The following LINGO2 variants were observed in gnomAD, a reference collection of about 807,000 sequenced individuals.
LINGO2 encodes the protein leucine-rich repeat and immunoglobulin-like domain-containing nogo receptor-interacting protein 2.
A neutral mutation model predicts 30.6 loss-of-function variants in LINGO2; 14 were observed. That is an observed-to-expected ratio of 0.46 (90% CI 0.30 to 0.72). The LOEUF (loss-of-function observed/expected upper bound fraction) is 0.72, where lower values mean the gene tolerates loss of function less well. Among genes scored for constraint, LINGO2 ranks in the 30% least tolerant of loss-of-function variants. LINGO2 has a pLI of 0.07. For synonymous variants in LINGO2, 317 were observed against 288.5 expected (o/e 1.10, Z -1.00); for missense variants, 729 against 751.7 (o/e 0.97, Z 0.35).
the LINGO2 span, among the ~76,000 whole-genome samples, chr9:28,765,565 C>T: frequency 2.0e-5 from 3 of 151,992 alleles, no homozygotes; most frequent in African/African-American, 7.3e-5. Flanking sequence ...TTCTTTCTTG[C>T]AGGAATGGAT....
intron 2 of LINGO2, among the ~76,000 whole-genome samples, chr9:28,393,189 A>C (rs998859644): frequency 2.0e-5 from 3 of 152,224 alleles, no homozygotes; most frequent in Non-Finnish European, 4.4e-5. Flanking sequence ...TGTACCTACT[A>C]TGTGGGATGT....
chr9:28,990,294 G>T, the LINGO2 span, among the ~76,000 whole-genome samples: 1 of 152,218 alleles, frequency 6.6e-6, no homozygotes, highest in Non-Finnish European at 1.5e-5. Flanking sequence ...CAGCAGCAAG[G>T]CTGGGGGAGG....
rs543097526 is a variant in LINGO2, at chr9:28,129,667, A to G, written c.-86-117262T>C. The G allele has an allele frequency of 6.6e-6, 1 of 152,342 alleles. No homozygotes were observed. Among genetic ancestry groups the G allele is most frequent in the East Asian group, 1.9e-4 (1 of 5,184 alleles). 9.4% of individuals were successfully genotyped at this position (152,342 alleles called of 1,614,324 possible). A position where few individuals can be genotyped will look rare whatever the true frequency, so the allele number is the denominator to read the frequency against. The stretch of plus-strand genomic sequence containing the variant: ...TAAGTGGGGGAGAAAATCTTTGAAA[A>G]ATCCAAATTAGTTTTTATTAGTGGT... On this transcript the variant is annotated intron_variant, in intron 4 of 5. Coordinates refer to ENST00000379992, the Ensembl canonical transcript of LINGO2. The surrounding 1 kb of genome is among the most constrained non-coding windows in gnomAD (Gnocchi z 4.0).
the LINGO2 span, among the ~76,000 whole-genome samples, chr9:28,971,109 C>T: frequency 5.9e-5 from 9 of 152,068 alleles, no homozygotes; most frequent in East Asian, 5.8e-4. Flanking sequence ...AGTTCCTGGA[C>T]GATATTTCCA....
chr9:28,628,975 A>T (rs1345794675), intron 1 of LINGO2, among the ~76,000 whole-genome samples: 1 of 152,104 alleles, frequency 6.6e-6, no homozygotes, highest in Admixed American at 6.6e-5. Context: ...GCATAGGTCC[A>T]TTATCTTATT....
At chr9:29,112,440 C>T in the LINGO2 span, among the ~76,000 whole-genome samples, 1 of 152,116 alleles carries the variant, frequency 6.6e-6, no homozygotes, top group South Asian at 2.1e-4. Flanking sequence ...CTTCCCAATC[C>T]ATGAATAATA....
At chr9:28,408,555 G>A (rs1822606955) in intron 2 of LINGO2, among the ~76,000 whole-genome samples, 1 of 150,664 alleles carries the variant, frequency 6.6e-6, no homozygotes, top group Non-Finnish European at 1.5e-5. Flanking sequence ...TCACTCATAG[G>A]TGGGAATTGA....
At chr9:28,109,770 A>AT (rs1826715901) in intron 4 of LINGO2, among the ~76,000 whole-genome samples, 1 of 152,250 alleles carries the variant, frequency 6.6e-6, no homozygotes, top group Admixed American at 6.5e-5. Context: ...AAAACATTTC[A>AT]TGCTCATGGA....
At chr9:28,705,921 G>C in the LINGO2 span, among the ~76,000 whole-genome samples, 1 of 150,314 alleles carries the variant, frequency 6.7e-6, no homozygotes. Flanking sequence ...AATCTAAAAA[G>C]AGTGGTTGAT....
At chr9:28,046,020 C>T (rs1476213002) in intron 4 of LINGO2, among the ~76,000 whole-genome samples, 1 of 152,108 alleles carries the variant, frequency 6.6e-6, no homozygotes, top group Non-Finnish European at 1.5e-5. Context: ...GAGGATGATC[C>T]ATGCCTCCAC....
chr9:28,581,842 T>C (rs1400682526), intron 1 of LINGO2, among the ~76,000 whole-genome samples: 4 of 152,100 alleles, frequency 2.6e-5, no homozygotes, highest in African/African-American at 9.6e-5. Flanking sequence ...TTCATATTTA[T>C]TTTAGAAATG....
At chr9:29,142,218 C>T in the LINGO2 span, among the ~76,000 whole-genome samples, 79 of 151,664 alleles carry the variant, frequency 5.2e-4, no homozygotes, top group African/African-American at 1.8e-3. Flanking sequence ...TTTTCAAATA[C>T]AGTAGAATAA....
chr9:29,056,863 A>G, the LINGO2 span, among the ~76,000 whole-genome samples: 66 of 151,882 alleles, frequency 4.3e-4, no homozygotes, highest in African/African-American at 1.5e-3. Flanking sequence ...CTCACTTTAC[A>G]TCTTTGTTTG....
intron 4 of LINGO2, among the ~76,000 whole-genome samples, chr9:28,092,467 G>A (rs541784092): frequency 5.4e-5 from 8 of 147,092 alleles, no homozygotes; most frequent in Non-Finnish European, 1.0e-4. Flanking sequence ...AACACCGCAT[G>A]TTCTCACTCA....
intron 1 of LINGO2, among the ~76,000 whole-genome samples, chr9:28,513,070 A>G (rs1173508401): frequency 2.0e-5 from 3 of 147,906 alleles, no homozygotes; most frequent in African/African-American, 7.7e-5. Flanking sequence ...GTTGATGCTC[A>G]GTATTAACCA....
chr9:28,244,488 A>C (rs2133986136), intron 4 of LINGO2, among the ~76,000 whole-genome samples: 1 of 152,256 alleles, frequency 6.6e-6, no homozygotes, highest in South Asian at 2.1e-4. Flanking sequence ...AGAAACAAAA[A>C]ACCCTTCAAA....
At chr9:28,183,142 A>G (rs556605740) in intron 4 of LINGO2, among the ~76,000 whole-genome samples, 3 of 152,310 alleles carry the variant, frequency 2.0e-5, no homozygotes, top group South Asian at 2.1e-4. Flanking sequence ...GAATGAGATC[A>G]TGTCCTTTGC....
At chr9:28,527,475 T>C (rs1451104473) in intron 1 of LINGO2, among the ~76,000 whole-genome samples, 1 of 152,192 alleles carries the variant, frequency 6.6e-6, no homozygotes, top group Non-Finnish European at 1.5e-5. Flanking sequence ...AGAATCTCAT[T>C]GAAATGGCCT....
At chr9:29,186,714 C>A in the LINGO2 span, among the ~76,000 whole-genome samples, 1 of 151,920 alleles carries the variant, frequency 6.6e-6, no homozygotes, top group South Asian at 2.1e-4. Flanking sequence ...CTAAGGCATA[C>A]TAGCTACAGT....
Sources: gnomAD v4.1 joint callset for allele counts (sites outside exome capture counted in the v4.1 genomes callset) on GRCh38, gnomAD v4.1.1 for gene constraint, Gnocchi (gnomAD v3.1) non-coding constraint, MANE v1.5 for transcripts, NCBI Gene and HGNC (gene_info 2026-07-23, HGNC 2026-07-21) for gene names.